MEGF11: variants seen among roughly 807,000 people sequenced by gnomAD.
MEGF11 encodes multiple EGF like domains 11, also known as multiple epidermal growth factor-like domains protein 11.
MEGF11 carries 126 observed loss-of-function variants against 146.6 expected under a neutral mutation model. The ratio of observed to expected loss-of-function variants is 0.86; its 90% CI spans 0.74 to 1.00. The LOEUF (loss-of-function observed/expected upper bound fraction) is 1.00. Ranked by LOEUF, MEGF11 falls within the 50% of genes least tolerant of loss-of-function variation. The probability of loss-of-function intolerance (pLI) is 0.00; values close to 1 mark genes in which losing one functional copy is unlikely to be tolerated. For missense variants in MEGF11, 1,509 were observed against 1,521.2 expected (o/e 0.99, Z 0.13); for synonymous variants, 532 against 583.4 (o/e 0.91, Z 1.27).
At chr15:66,105,209 C>T (rs1341207045) in intron 4 of MEGF11, among the ~76,000 whole-genome samples, 1 of 152,088 alleles carries the variant, frequency 6.6e-6, no homozygotes, top group Non-Finnish European at 1.5e-5. Flanking sequence ...CAGGGCTCGT[C>T]CTAGTGCTTG....
intron 5 of MEGF11, among the ~76,000 whole-genome samples, chr15:65,994,313 G>A (rs2082138569): frequency 6.6e-6 from 1 of 152,178 alleles, no homozygotes; most frequent in Non-Finnish European, 1.5e-5. Flanking sequence ...AGTCAGACTG[G>A]TACTGTTCCT....
chr15:66,068,336 C>T (rs2085222570), intron 5 of MEGF11, among the ~76,000 whole-genome samples: 1 of 152,134 alleles, frequency 6.6e-6, no homozygotes, highest in African/African-American at 2.4e-5. Flanking sequence ...TGGGATAACC[C>T]TTGTGTGGGC....
At position 66,104,397 on chromosome 15, in the gene MEGF11, C is replaced by G. The variant is rs373310283; in HGVS notation, c.302-9903G>C. Among the ~76,000 whole-genome samples the G allele has an allele frequency of 7.9e-5, 12 of 152,314 alleles. No homozygotes were observed. In the East Asian group the frequency reaches 1.9e-3, roughly 24 times the overall value. The stretch of plus-strand genomic sequence containing the variant: ...CTGGGAAAGCTTAGGAACCTCTTAC[C>G]CTCTTACCATAGTTACCATGAAACT... On this transcript the variant is annotated intron_variant, in intron 4 of 25. Transcript: ENST00000395614.
At chr15:65,942,198 G>A (rs1041876492) in intron 10 of MEGF11, among the ~76,000 whole-genome samples, 7 of 152,166 alleles carry the variant, frequency 4.6e-5, no homozygotes, top group African/African-American at 1.7e-4. Context: ...CTGCACACAG[G>A]TTGGAAATGA....
At chr15:65,907,409 C>T (rs888597609) in intron 23 of MEGF11, among the ~76,000 whole-genome samples, 4 of 152,056 alleles carry the variant, frequency 2.6e-5, no homozygotes, top group South Asian at 2.1e-4. Flanking sequence ...ATTCTCCTGT[C>T]TCAACCTCCT....
At chr15:66,154,737 G>C (rs540962463) in intron 1 of MEGF11, among the ~76,000 whole-genome samples, 3 of 152,260 alleles carry the variant, frequency 2.0e-5, no homozygotes, top group Non-Finnish European at 4.4e-5. Flanking sequence ...TAACAACTAG[G>C]GGGGCAAAGG....
intron 5 of MEGF11, among the ~76,000 whole-genome samples, chr15:66,007,644 T>A (rs2082560282): frequency 6.6e-6 from 1 of 152,100 alleles, no homozygotes; most frequent in South Asian, 2.1e-4. Context: ...CAGCTACTAC[T>A]CCAGAAGCTG....
chr15:66,167,559 C>A (rs757623792), intron 1 of MEGF11, among the ~76,000 whole-genome samples: 1 of 152,068 alleles, frequency 6.6e-6, no homozygotes, highest in East Asian at 1.9e-4. Flanking sequence ...GCAGGAGAAT[C>A]GCTTGAACCC....
intron 4 of MEGF11, among the ~76,000 whole-genome samples, chr15:66,100,546 T>A (rs905807979): frequency 6.6e-5 from 10 of 152,152 alleles, no homozygotes; most frequent in Admixed American, 2.6e-4. Context: ...CTCCCTCAGT[T>A]TTTTTCACCT....
chr15:65,977,043 C>T (rs528504648), intron 7 of MEGF11, among the ~76,000 whole-genome samples: 1 of 151,904 alleles, frequency 6.6e-6, no homozygotes, highest in African/African-American at 2.4e-5. Flanking sequence ...ATGGCGGGTG[C>T]CTGTAGTCCC....
chr15:65,982,160 C>G lies in MEGF11; in HGVS notation c.641+82G>C. 7.4e-7 allele frequency: 1 copy of G among 1,349,506 alleles called. No homozygotes were observed. The highest frequency in any genetic ancestry group is 2.5e-5 in the Admixed American group (1 of 39,888). 83.6% of individuals were successfully genotyped at this position (1,349,506 alleles called of 1,614,324 possible). A position where few individuals can be genotyped will look rare whatever the true frequency, so the allele number is the denominator to read the frequency against. On this transcript the variant is annotated intron_variant, in intron 6 of 25. Transcript: ENST00000395614. This position sits in a 1 kb window ranked among gnomAD's most constrained non-coding sequence, Gnocchi z 5.6. ...CCAGGCCCCGCCCCAGCCCCTCCAC[C>G]TCCTCTACCCTCCCCACCCAGGCAC...
chr15:66,171,404 G>A (rs1332217680), intron 1 of MEGF11, among the ~76,000 whole-genome samples: 1 of 151,498 alleles, frequency 6.6e-6, no homozygotes. Context: ...TGCTGGAGCA[G>A]ACGGAGGATG....
At chr15:66,208,963 C>A (rs1597152709) in intron 1 of MEGF11, among the ~76,000 whole-genome samples, 1 of 152,136 alleles carries the variant, frequency 6.6e-6, no homozygotes, top group South Asian at 2.1e-4. Context: ...CAAATGCTGA[C>A]AAGGACATAA....
chr15:66,033,473 G>A (rs578126840), intron 5 of MEGF11, among the ~76,000 whole-genome samples: 1 of 152,240 alleles, frequency 6.6e-6, no homozygotes, highest in East Asian at 1.9e-4. Context: ...TGCAGCTTTG[G>A]CCATCACTCT....
At chr15:65,975,631 C>G (rs977249839) in intron 7 of MEGF11, among the ~76,000 whole-genome samples, 16 of 152,152 alleles carry the variant, frequency 1.1e-4, no homozygotes, top group Admixed American at 1.3e-4. Flanking sequence ...AGCTCTGCCT[C>G]CTCCCAGATA....
intron 9 of MEGF11, among the ~76,000 whole-genome samples, chr15:65,963,680 G>A (rs2080951719): frequency 6.6e-6 from 1 of 152,220 alleles, no homozygotes; most frequent in Non-Finnish European, 1.5e-5. Context: ...CCGAGTGAAT[G>A]AATGCTCAGG....
At chr15:66,208,196 C>T (rs1201529361) in intron 1 of MEGF11, among the ~76,000 whole-genome samples, 1 of 151,356 alleles carries the variant, frequency 6.6e-6, no homozygotes, top group Admixed American at 6.6e-5. Flanking sequence ...AAATATTTAA[C>T]ACAATTATAT....
intron 5 of MEGF11, among the ~76,000 whole-genome samples, chr15:66,032,763 T>C (rs932314870): frequency 4.6e-5 from 7 of 152,236 alleles, no homozygotes; most frequent in Admixed American, 1.3e-4. Context: ...CGCAGCCTGC[T>C]GCATGCCTGC....
At chr15:66,102,378 A>G (rs1396149498) in intron 4 of MEGF11, among the ~76,000 whole-genome samples, 2 of 77,786 alleles carry the variant, frequency 2.6e-5, no homozygotes, top group African/African-American at 8.7e-5. Flanking sequence ...CATGATGAAG[A>G]CTAGGAGCTT....
Sources: gnomAD v4.1 joint callset for allele counts (sites outside exome capture counted in the v4.1 genomes callset) on GRCh38, gnomAD v4.1.1 for gene constraint, Gnocchi (gnomAD v3.1) non-coding constraint, MANE v1.5 for transcripts, NCBI Gene and HGNC (gene_info 2026-07-23, HGNC 2026-07-21) for gene names.